ITSN1: variants seen among roughly 807,000 people sequenced by gnomAD.
ITSN1 encodes the protein intersectin 1.
A neutral mutation model predicts 239.8 loss-of-function variants in ITSN1; 58 were observed. The observed-to-expected ratio is 0.24, with a 90% CI of 0.20 to 0.30. ITSN1 has a LOEUF of 0.30. Among genes scored for constraint, ITSN1 ranks in the 10% least tolerant of loss-of-function variants. The probability of loss-of-function intolerance (pLI) is 1.00; values close to 1 mark genes in which losing one functional copy is unlikely to be tolerated. For missense variants in ITSN1, 1,558 were observed against 2,103.3 expected (o/e 0.74, Z 5.07); for synonymous variants, 780 against 770.8 (o/e 1.01, Z -0.20).
intron 39 of ITSN1, among the ~76,000 whole-genome samples, chr21:33,886,760 A>T (rs574092509): frequency 6.6e-6 from 1 of 152,224 alleles, no homozygotes; most frequent in African/African-American, 2.4e-5. Context: ...GAGCCTCAGC[A>T]TAGTTCTTCA....
intron 20 of ITSN1, among the ~76,000 whole-genome samples, chr21:33,807,670 C>A (rs1602355506): frequency 6.6e-6 from 1 of 152,078 alleles, no homozygotes; most frequent in African/African-American, 2.4e-5. Context: ...AAGGGAGTAA[C>A]AATAGATCAT....
chr21:33,824,783 T>C (rs1049385588), intron 25 of ITSN1, among the ~76,000 whole-genome samples: 1 of 152,236 alleles, frequency 6.6e-6, no homozygotes, highest in Admixed American at 6.5e-5. Flanking sequence ...GGCATTGTTT[T>C]GCTTTTTGGT....
At chr21:33,848,845 C>T (rs1269992846) in intron 29 of ITSN1, among the ~76,000 whole-genome samples, 1 of 152,246 alleles carries the variant, frequency 6.6e-6, no homozygotes, top group Non-Finnish European at 1.5e-5. Context: ...TGCCTGCCCC[C>T]TCACCACCGA....
intron 10 of ITSN1, among the ~76,000 whole-genome samples, chr21:33,766,933 C>T (rs538324400): frequency 3.3e-5 from 5 of 152,228 alleles, no homozygotes; most frequent in East Asian, 1.9e-4. Flanking sequence ...GTTGGGAGGC[C>T]GAGGCGGGTG....
chr21:33,696,744 TAC>T (rs1463609601), intron 1 of ITSN1, among the ~76,000 whole-genome samples: 3 of 152,242 alleles, frequency 2.0e-5, no homozygotes, highest in African/African-American at 7.2e-5. Flanking sequence ...GGTGTTATTT[TAC>T]ACAGTTAGTA....
chr21:33,643,543 A>G (rs778684895), intron 1 of ITSN1: 5 of 151,980 alleles, frequency 3.3e-5, no homozygotes, highest in African/African-American at 4.8e-5. Context: ...CCTATGGGCA[A>G]TCTTTTGTTG....
At chr21:33,727,834 A>C (rs2065921208) in intron 4 of ITSN1, among the ~76,000 whole-genome samples, 1 of 151,842 alleles carries the variant, frequency 6.6e-6, no homozygotes, top group South Asian at 2.1e-4. Flanking sequence ...CTTTATCCCC[A>C]ATCTGGCCAC....
intron 1 of ITSN1, among the ~76,000 whole-genome samples, chr21:33,652,851 T>C (rs2146145576): frequency 6.6e-6 from 1 of 152,270 alleles, no homozygotes; most frequent in Non-Finnish European, 1.5e-5. Context: ...CATTCAATGC[T>C]TCTCAGTCTT....
chr21:33,794,944 G>T (rs750023479), intron 17 of ITSN1, among the ~76,000 whole-genome samples: 25 of 152,178 alleles, frequency 1.6e-4, no homozygotes, highest in Non-Finnish European at 2.9e-4. Context: ...TAGTGTGTAG[G>T]ATACAGACAT....
At chr21:33,822,544 A>C (rs1300981399) in intron 24 of ITSN1, among the ~76,000 whole-genome samples, 1 of 152,226 alleles carries the variant, frequency 6.6e-6, no homozygotes, top group Non-Finnish European at 1.5e-5. Flanking sequence ...TCCATCCAGG[A>C]TTTTGTGTCT....
Position 33,799,717 on chromosome 21 carries a change from AGAG to A in ITSN1, c.2183-87_2183-85del. On this transcript the variant is annotated intron_variant, in intron 18 of 39. Coordinates refer to ENST00000381318, the MANE Select transcript of ITSN1 (RefSeq NM_003024.3). The stretch of plus-strand genomic sequence containing the variant: ...TAGTTCAGAGGTTAAGATAGGCAAT[AGAG>A]GAGAGGTTAGTTGTTTGGCTTGTTG... 4 of 1,365,778 alleles carry A rather than the reference AGAG, an allele frequency of 2.9e-6. No homozygotes were observed. The South Asian group carries it at 5.4e-5, about 18-fold the overall frequency. The allele number at this position is 1,365,778 out of a possible 1,614,324, so 84.6% of individuals were successfully genotyped here. A position where few individuals can be genotyped will look rare whatever the true frequency, so the allele number is the denominator to read the frequency against.
At position 33,794,297 on chromosome 21, in the gene ITSN1, T is replaced by G. The variant is rs760535857; in HGVS notation, c.1825-44T>G. On this transcript the variant is annotated intron_variant, in intron 16 of 39. Transcript: ENST00000381318. The stretch of plus-strand genomic sequence containing the variant: ...CATGCTGATAAATAGTTGATGTACC[T>G]GTCACTCATGTCGCTACATGAACTG... 3 of 1,370,508 alleles carry G rather than the reference T, an allele frequency of 2.2e-6. No individual in the cohort carries two copies. In the Admixed American group the frequency reaches 5.2e-5, roughly 24 times the overall value. 84.9% of individuals were successfully genotyped at this position (1,370,508 alleles called of 1,614,324 possible).
chr21:33,702,090 A>C (rs1180712985), intron 1 of ITSN1, among the ~76,000 whole-genome samples: 1 of 142,170 alleles, frequency 7.0e-6, no homozygotes, highest in Non-Finnish European at 1.5e-5. Context: ...AACAAACAAA[A>C]AAATTTTTTT....
At chr21:33,773,265 C>G (rs1182489267) in intron 12 of ITSN1, among the ~76,000 whole-genome samples, 1 of 152,084 alleles carries the variant, frequency 6.6e-6, no homozygotes, top group Non-Finnish European at 1.5e-5. Flanking sequence ...GCCTCAGCCT[C>G]CCAAAGTGCT....
intron 4 of ITSN1, among the ~76,000 whole-genome samples, chr21:33,727,623 A>G (rs1306623556): frequency 1.3e-5 from 2 of 151,518 alleles, no homozygotes; most frequent in Non-Finnish European, 2.9e-5. Context: ...AAAAAAAAAA[A>G]AAGAATAAGC....
chr21:33,817,332 GC>G (rs1309978209), intron 22 of ITSN1: 6 of 1,304,340 alleles, frequency 4.6e-6, no homozygotes, highest in Non-Finnish European at 6.1e-6. Flanking sequence ...CGAGGCTTTT[GC>G]CCATGCTGCG....
At chr21:33,715,975 AAC>A in intron 1 of ITSN1, among the ~76,000 whole-genome samples, 1 of 152,314 alleles carries the variant, frequency 6.6e-6, no homozygotes, top group Admixed American at 6.5e-5. Context: ...CATAAGGAGA[AAC>A]ATAACAGTAA....
At chr21:33,698,825 T>A (rs1462127819) in intron 1 of ITSN1, among the ~76,000 whole-genome samples, 1 of 152,232 alleles carries the variant, frequency 6.6e-6, no homozygotes, top group Non-Finnish European at 1.5e-5. Context: ...AGGAATCTGG[T>A]ATAAGACTCA....
intron 5 of ITSN1, among the ~76,000 whole-genome samples, chr21:33,745,311 T>G (rs1796007540): frequency 6.6e-6 from 1 of 152,094 alleles, no homozygotes; most frequent in South Asian, 2.1e-4. Context: ...ATGGCCTGGG[T>G]CTTTCAACAG....
Sources: gnomAD v4.1 joint callset for allele counts (sites outside exome capture counted in the v4.1 genomes callset) on GRCh38, gnomAD v4.1.1 for gene constraint, MANE v1.5 for transcripts, NCBI Gene and HGNC (gene_info 2026-07-23, HGNC 2026-07-21) for gene names.